Variants in PCDHGA2 observed in about 807,000 individuals in gnomAD.
The protein encoded by PCDHGA2 is protocadherin gamma subfamily A, 2, also known as protocadherin gamma-A2.
Under a neutral mutation model 59.2 loss-of-function variants are expected in PCDHGA2, and 40 were observed. That is an observed-to-expected ratio of 0.68 (90% CI 0.52 to 0.88). The LOEUF is 0.88. PCDHGA2 is among the 40% of genes least tolerant of loss of function. The probability of loss-of-function intolerance (pLI) is 0.00; values close to 1 mark genes in which losing one functional copy is unlikely to be tolerated. For missense variants in PCDHGA2, 1,226 were observed against 1,204.0 expected, an observed-to-expected ratio of 1.02 and a Z score of -0.27; for synonymous variants, 560 against 526.0, an observed-to-expected ratio of 1.06 and a Z score of -0.89.
rs151119016 is a variant in PCDHGA2, at chr5:141,489,949, G to C, written c.2425-4858G>C. On this transcript the variant is annotated intron_variant, in intron 1 of 3. Transcript: ENST00000394576. The surrounding 1 kb of genome is among the most constrained non-coding windows in gnomAD (Gnocchi z 4.5). ...CTCTGTCATCGTGCTGGACATCAAT[G>C]ATAATGCTCCAACCTTCCAATCCTC... is the stretch of plus-strand genomic sequence containing the variant. 1 of 1,614,198 alleles carries C rather than the reference G, an allele frequency of 6.2e-7. No individual in the cohort carries two copies. Among genetic ancestry groups the C allele is most frequent in the Non-Finnish European group, 8.5e-7 (1 of 1,180,028 alleles).
Position 141,372,784 on chromosome 5 carries a change from C to T in PCDHGA2, c.2424+31389C>T. Reference sequence around the variant, plus strand: ...GAAAGTAATGACAATCCAGAAATGCCTTCTAATTCAGGCAATTTGCAAAAG... The same window carrying T: ...GAAAGTAATGACAATCCAGAAATGCTTTCTAATTCAGGCAATTTGCAAAAG... On this transcript the variant is annotated intron_variant, in intron 1 of 3. Coordinates refer to ENST00000394576, the MANE Select transcript of PCDHGA2 (RefSeq NM_018915.4). The T allele has an allele frequency of 1.9e-6, 3 of 1,606,556 alleles. No homozygotes were observed. In the South Asian group the frequency reaches 3.3e-5, roughly 18 times the overall value.
At chr5:141,366,608 A>G (rs1387759369) in intron 1 of PCDHGA2, 1 of 1,614,110 alleles carries the variant, frequency 6.2e-7, no homozygotes, top group Non-Finnish European at 8.5e-7. Context: ...GGTCTCCCTC[A>G]CCGCGGACTC....
intron 1 of PCDHGA2, chr5:141,389,244 T>C: frequency 6.2e-7 from 1 of 1,614,036 alleles, no homozygotes; most frequent in Non-Finnish European, 8.5e-7. Context: ...CTCACAGTCT[T>C]CCTATATAGT....
At chr5:141,347,177 T>TTCTTTCTC (rs1554073424) in intron 1 of PCDHGA2, among the ~76,000 whole-genome samples, 5 of 147,132 alleles carry the variant, frequency 3.4e-5, no homozygotes, top group African/African-American at 1.0e-4. Context: ...CTTTCTTTCT[T>TTCTTTCTC]TCTTGACAGG....
intron 1 of PCDHGA2, chr5:141,372,164 G>C: frequency 6.2e-7 from 1 of 1,613,780 alleles, no homozygotes; most frequent in Non-Finnish European, 8.5e-7. Context: ...TGGTGACCAA[G>C]GTGGTGGCGG....
chr5:141,351,221 G>T (rs201087525), intron 1 of PCDHGA2: 2 of 1,614,012 alleles, frequency 1.2e-6, no homozygotes, highest in East Asian at 4.5e-5. Context: ...TAAGGATGGA[G>T]GAGTACACAC....
chr5:141,364,357 C>A, intron 1 of PCDHGA2: 2 of 1,556,048 alleles, frequency 1.3e-6, no homozygotes, highest in South Asian at 1.2e-5. Flanking sequence ...GGGGCTGGGG[C>A]TGCGGAGAGC....
intron 1 of PCDHGA2, chr5:141,355,912 A>G: frequency 1.2e-6 from 2 of 1,613,756 alleles, no homozygotes; most frequent in South Asian, 1.1e-5. Flanking sequence ...TACCAACGAT[A>G]ATGCTCCCGT....
intron 1 of PCDHGA2, chr5:141,419,265 C>G: frequency 6.2e-7 from 1 of 1,614,040 alleles, no homozygotes; most frequent in Non-Finnish European, 8.5e-7. Context: ...CAGCCGGGTG[C>G]CTCCATAGCG....
intron 1 of PCDHGA2, chr5:141,393,129 A>T (rs2150509668): frequency 1.2e-6 from 2 of 1,613,426 alleles, no homozygotes; most frequent in Non-Finnish European, 1.7e-6. Flanking sequence ...TCTGATAAAT[A>T]TTAACACCCT....
chr5:141,375,952 G>A (rs1032808913), intron 1 of PCDHGA2: 2 of 1,613,396 alleles, frequency 1.2e-6, no homozygotes, highest in Non-Finnish European at 1.7e-6. Context: ...GCCTGCACAC[G>A]GGCGAGGTGC....
At chr5:141,388,209 G>A in intron 1 of PCDHGA2, 1 of 1,586,286 alleles carries the variant, frequency 6.3e-7, no homozygotes, top group Non-Finnish European at 8.6e-7. Context: ...ATTTGAGGCT[G>A]TTGCTGAAAA....
chr5:141,384,210 C>T (rs1298573358), intron 1 of PCDHGA2: 2 of 1,613,886 alleles, frequency 1.2e-6, no homozygotes, highest in South Asian at 1.1e-5. Flanking sequence ...GGGAAACTCA[C>T]ATATTCATGC....
At chr5:141,371,965 A>T (rs746190919) in intron 1 of PCDHGA2, 1 of 1,613,282 alleles carries the variant, frequency 6.2e-7, no homozygotes, top group South Asian at 1.1e-5. Context: ...GACCACGAGC[A>T]GCTGCGTGCC....
chr5:141,343,864 A>G, intron 1 of PCDHGA2: 2 of 570,796 alleles, frequency 3.5e-6, no homozygotes, highest in Non-Finnish European at 6.0e-6. Flanking sequence ...AAGAACCAGC[A>G]AATCAGACTC....
Position 141,376,131 on chromosome 5 carries a change from A to T in PCDHGA2, c.2424+34736A>T, listed in dbSNP as rs200974904. ...CTGGGCAGCCTCGAGCCCTCCGCCA[A>T]ACCCAACGATTCGGACCTCACTCTG... On this transcript the variant is annotated intron_variant, in intron 1 of 3. Transcript: ENST00000394576. 6.9e-4 allele frequency: 1,114 copies of T among 1,613,772 alleles called. 8 individuals carry two copies. Among genetic ancestry groups the T allele is most frequent in the South Asian group, 4.3e-3 (393 of 91,038 alleles).
At position 141,422,330 on chromosome 5, in the gene PCDHGA2, C is replaced by T. The variant is rs200342957; in HGVS notation, c.2425-72477C>T. 1,454 of 1,548,164 alleles carry T rather than the reference C, an allele frequency of 9.4e-4. 3 individuals carry two copies. The highest frequency in any genetic ancestry group is 7.9e-4 in the Non-Finnish European group (910 of 1,153,526). On this transcript the variant is annotated intron_variant, in intron 1 of 3. Transcript: ENST00000394576. The stretch of plus-strand genomic sequence containing the variant: ...AACTCTCCTCCAGGTACAGTGATTG[C>T]TCTTCTAAATGTGCAAGATCAAGAT...
intron 1 of PCDHGA2, chr5:141,471,461 T>C (rs1409374601): frequency 6.6e-6 from 1 of 152,194 alleles, no homozygotes; most frequent in Non-Finnish European, 1.5e-5. Flanking sequence ...GAAAGATTAC[T>C]CAGGTCTCTG....
chr5:141,355,386 C>A (rs1561508672), intron 1 of PCDHGA2: 1 of 1,614,032 alleles, frequency 6.2e-7, no homozygotes. Context: ...TGGCGGAGCG[C>A]GGAGTCCGCA....
Sources: allele counts gnomAD v4.1 joint callset (sites outside exome capture counted in the v4.1 genomes callset), GRCh38; gene constraint gnomAD v4.1.1; non-coding constraint Gnocchi (gnomAD v3.1); transcripts MANE v1.5; gene names NCBI Gene and HGNC (gene_info 2026-07-23, HGNC 2026-07-21).